The following KIAA1671 variants were observed in gnomAD, a reference collection of about 807,000 sequenced individuals.
The protein encoded by KIAA1671 is KIAA1671, also known as uncharacterized protein KIAA1671.
KIAA1671 carries 52 observed loss-of-function variants against 131.2 expected under a neutral mutation model. The ratio of observed to expected loss-of-function variants is 0.40; its 90% CI spans 0.32 to 0.50. KIAA1671 has a LOEUF of 0.50. Among genes scored for constraint, KIAA1671 ranks in the 20% least tolerant of loss-of-function variants. The pLI, the probability that KIAA1671 is intolerant of heterozygous loss-of-function variation, is 0.73. For missense variants in KIAA1671, 2,360 were observed against 2,364.2 expected (o/e 1.00, Z 0.04); for synonymous variants, 1,003 against 961.6 (o/e 1.04, Z -0.80).
At chr22:25,069,684 T>A (rs1050854371) in intron 6 of KIAA1671, among the ~76,000 whole-genome samples, 7 of 152,188 alleles carry the variant, frequency 4.6e-5, no homozygotes, top group Non-Finnish European at 8.8e-5. Context: ...TCTGGGGGGA[T>A]CAGAAGCTTA....
intron 6 of KIAA1671, among the ~76,000 whole-genome samples, chr22:25,126,938 C>A (rs1330708864): frequency 6.6e-6 from 1 of 152,170 alleles, no homozygotes; most frequent in Non-Finnish European, 1.5e-5. Context: ...ATATGTGTAT[C>A]CCAGTTGTGC....
chr22:24,992,960 C>T (rs1923926562), intron 1 of KIAA1671, among the ~76,000 whole-genome samples: 1 of 151,946 alleles, frequency 6.6e-6, no homozygotes, highest in Non-Finnish European at 1.5e-5. Context: ...AAGAAACTTA[C>T]CCATGCTCAT....
chr22:24,976,602 A>C (rs1371190777), intron 1 of KIAA1671, among the ~76,000 whole-genome samples: 1 of 152,082 alleles, frequency 6.6e-6, no homozygotes, highest in African/African-American at 2.4e-5. Context: ...TGACGCAGAG[A>C]GCCCACCGGG....
At chr22:25,076,602 G>GC (rs887185960) in intron 6 of KIAA1671, among the ~76,000 whole-genome samples, 1 of 152,206 alleles carries the variant, frequency 6.6e-6, no homozygotes, top group African/African-American at 2.4e-5. Context: ...AAGAATAGCT[G>GC]AGGGCTACAG....
intron 2 of KIAA1671, among the ~76,000 whole-genome samples, chr22:25,027,434 G>C (rs1291646657): frequency 6.6e-6 from 1 of 152,180 alleles, no homozygotes; most frequent in Non-Finnish European, 1.5e-5. Flanking sequence ...CTGGGATGTG[G>C]GCAGGCTCTG....
At chr22:24,962,878 A>G (rs5996798) in intron 1 of KIAA1671, among the ~76,000 whole-genome samples, 25,250 of 151,990 alleles carry the variant, frequency 0.17, 2,842 homozygotes, top group East Asian at 0.63. Flanking sequence ...AGGATGGCCA[A>G]AGTGCCTTTA....
At chr22:24,982,739 C>T (rs1391849136) in intron 1 of KIAA1671, among the ~76,000 whole-genome samples, 1 of 152,134 alleles carries the variant, frequency 6.6e-6, no homozygotes, top group Non-Finnish European at 1.5e-5. Flanking sequence ...CTGCCAAGGT[C>T]GTGGTGTTGG....
At chr22:25,010,870 C>T (rs1924996845) in intron 1 of KIAA1671, 1 of 152,216 alleles carries the variant, frequency 6.6e-6, no homozygotes, top group Non-Finnish European at 1.5e-5. Context: ...TTCCATGTCA[C>T]TATCCTTAAA....
At chr22:24,964,919 G>T (rs1023345591) in intron 1 of KIAA1671, among the ~76,000 whole-genome samples, 1 of 152,078 alleles carries the variant, frequency 6.6e-6, no homozygotes, top group African/African-American at 2.4e-5. Flanking sequence ...GGGCAGAGCC[G>T]AAAAATCCTA....
intron 6 of KIAA1671, among the ~76,000 whole-genome samples, chr22:25,093,742 C>CTCTCTCTCTTTCTCTCTCTCTCTCTG (rs1930169706): frequency 1.7e-5 from 2 of 118,556 alleles, no homozygotes; most frequent in African/African-American, 3.6e-5. Flanking sequence ...CACACACTCT[C>CTCTCTCTCTTTCTCTCTCTCTCTCTG]TCTCTCTCTC....
At chr22:25,020,942 A>C (rs1602072781) in intron 1 of KIAA1671, among the ~76,000 whole-genome samples, 1 of 152,110 alleles carries the variant, frequency 6.6e-6, no homozygotes, top group South Asian at 2.1e-4. Context: ...CATCAGGGAG[A>C]CACGGGGGCG....
At chr22:24,982,814 C>T (rs1923304466) in intron 1 of KIAA1671, among the ~76,000 whole-genome samples, 1 of 152,156 alleles carries the variant, frequency 6.6e-6, no homozygotes, top group Admixed American at 6.5e-5. Flanking sequence ...GGGAGCTTCT[C>T]CTGCCGGACC....
intron 1 of KIAA1671, among the ~76,000 whole-genome samples, chr22:24,973,110 G>A (rs982367220): frequency 6.6e-6 from 1 of 152,186 alleles, no homozygotes; most frequent in East Asian, 1.9e-4. Context: ...AAGGGGGAGA[G>A]GTTCAGGGGG....
At chr22:25,001,963 A>G (rs1166728782) in intron 1 of KIAA1671, among the ~76,000 whole-genome samples, 1 of 152,142 alleles carries the variant, frequency 6.6e-6, no homozygotes, top group Non-Finnish European at 1.5e-5. Context: ...GAGTCCACAC[A>G]TTTATATACA....
chr22:25,076,932 C>T (rs764764181), intron 6 of KIAA1671, among the ~76,000 whole-genome samples: 4 of 152,148 alleles, frequency 2.6e-5, no homozygotes, highest in Non-Finnish European at 4.4e-5. Context: ...GAAACTGAGG[C>T]CTTGAAAGGC....
At chr22:24,979,409 C>T (rs1294359379) in intron 1 of KIAA1671, among the ~76,000 whole-genome samples, 1 of 149,110 alleles carries the variant, frequency 6.7e-6, no homozygotes, top group East Asian at 2.0e-4. Context: ...GACTGCAGTG[C>T]GGCTATCTCA....
intron 12 of KIAA1671, among the ~76,000 whole-genome samples, chr22:25,191,062 T>C (rs1934658220): frequency 6.6e-6 from 1 of 151,952 alleles, no homozygotes; most frequent in Non-Finnish European, 1.5e-5. Flanking sequence ...TGCACTTGGC[T>C]GACCCTTCTA....
intron 9 of KIAA1671, chr22:25,179,459 C>T (rs1934184973): frequency 1.9e-6 from 3 of 1,613,214 alleles, no homozygotes; most frequent in African/African-American, 1.3e-5. Flanking sequence ...CTCCGCCTGG[C>T]GGCTGAAGTT....
At chr22:25,169,501 A>G (rs1055141993) in intron 6 of KIAA1671, among the ~76,000 whole-genome samples, 2 of 151,418 alleles carry the variant, frequency 1.3e-5, no homozygotes, top group African/African-American at 4.9e-5. Flanking sequence ...CTGAGTCATC[A>G]GTGTGCCAAC....
Sources: gnomAD v4.1 joint callset for allele counts (sites outside exome capture counted in the v4.1 genomes callset) on GRCh38, gnomAD v4.1.1 for gene constraint, MANE v1.5 for transcripts, NCBI Gene and HGNC (gene_info 2026-07-23, HGNC 2026-07-21) for gene names.